Variants in CSMD1 observed in about 807,000 individuals in gnomAD.
CSMD1 encodes CUB and Sushi multiple domains 1.
CSMD1 carries 213 observed loss-of-function variants against 417.5 expected under a neutral mutation model. The ratio of observed to expected loss-of-function variants is 0.51; its 90% CI spans 0.46 to 0.57. The LOEUF (loss-of-function observed/expected upper bound fraction) is 0.57, where lower values mean the gene tolerates loss of function less well. CSMD1 is among the 20% of genes least tolerant of loss of function. The probability of loss-of-function intolerance (pLI) is 0.00; values close to 1 mark genes in which losing one functional copy is unlikely to be tolerated. For missense variants in CSMD1, 6,923 were observed against 4,529.7 expected (o/e 1.53, Z -15.17); for synonymous variants, 2,862 against 1,736.8 (o/e 1.65, Z -16.11).
chr8:4,190,635 T>C (rs1280655345), intron 3 of CSMD1, among the ~76,000 whole-genome samples: 2 of 152,000 alleles, frequency 1.3e-5, no homozygotes, highest in Non-Finnish European at 2.9e-5. Flanking sequence ...AAGAATAATA[T>C]TAGTGTTGTA....
At chr8:3,887,783 G>T (rs73493893) in intron 5 of CSMD1, among the ~76,000 whole-genome samples, 4,860 of 152,264 alleles carry the variant, frequency 0.032, 156 homozygotes, top group African/African-American at 0.076. Context: ...TGAGTGTGTG[G>T]TATCAGAAAA....
chr8:3,148,824 G>C (rs562788893), intron 40 of CSMD1, among the ~76,000 whole-genome samples: 4 of 152,080 alleles, frequency 2.6e-5, no homozygotes, highest in African/African-American at 7.2e-5. Context: ...TTCTCACTTC[G>C]TATCTATTAC....
At chr8:3,351,686 A>G (rs1259429924) in intron 21 of CSMD1, among the ~76,000 whole-genome samples, 1 of 149,110 alleles carries the variant, frequency 6.7e-6, no homozygotes, top group African/African-American at 2.4e-5. Context: ...ATATACATTA[A>G]ATGATATACG....
intron 1 of CSMD1, among the ~76,000 whole-genome samples, chr8:4,921,123 A>C (rs1201862205): frequency 2.0e-5 from 3 of 151,682 alleles, no homozygotes; most frequent in South Asian, 2.1e-4. Context: ...AAAGAAAAGA[A>C]AAGAAAGTAA....
chr8:4,565,191 G>A (rs1585256772), intron 2 of CSMD1, among the ~76,000 whole-genome samples: 1 of 152,114 alleles, frequency 6.6e-6, no homozygotes, highest in African/African-American at 2.4e-5. Flanking sequence ...AATAACAATA[G>A]CTTTTCTTAT....
intron 3 of CSMD1, among the ~76,000 whole-genome samples, chr8:4,378,168 C>G (rs1019576466): frequency 2.6e-5 from 4 of 152,194 alleles, no homozygotes; most frequent in African/African-American, 4.8e-5. Context: ...CACTTATACT[C>G]TAGATATTGC....
intron 12 of CSMD1, among the ~76,000 whole-genome samples, chr8:3,414,938 C>G (rs1813037076): frequency 6.6e-6 from 1 of 152,144 alleles, no homozygotes. Context: ...GCGGCAAGAC[C>G]TGTCACTCTG....
intron 3 of CSMD1, among the ~76,000 whole-genome samples, chr8:4,252,245 C>G (rs978969332): frequency 1.3e-5 from 2 of 152,196 alleles, no homozygotes; most frequent in Non-Finnish European, 2.9e-5. Context: ...CTTTCCGTTC[C>G]TGGCTTCAGC....
At chr8:4,556,748 G>A (rs755870280) in intron 2 of CSMD1, among the ~76,000 whole-genome samples, 3 of 152,136 alleles carry the variant, frequency 2.0e-5, no homozygotes, top group Non-Finnish European at 4.4e-5. Flanking sequence ...TCGCAAAGTC[G>A]AAAACCTCAA....
chr8:3,609,811 C>CTTTTTT lies in CSMD1; in HGVS notation c.1097+6893_1097+6898dup, dbSNP rs71534362. On this transcript the variant is annotated intron_variant, in intron 8 of 69. Transcript: ENST00000635120. ...AAAAGACTGTTAAAAAGTATCTTCC[C>CTTTTTT]TTTTTTTTTTTTTTTTTTTTTTTTT... Among the ~76,000 whole-genome samples the CTTTTTT allele has an allele frequency of 1.8e-3, 139 of 75,272 alleles. 8 individuals carry two copies. Among genetic ancestry groups the CTTTTTT allele is most frequent in the African/African-American group, 2.7e-3 (55 of 20,142 alleles). 49.4% of individuals were successfully genotyped at this position (75,272 alleles called of 152,430 possible). A position where few individuals can be genotyped will look rare whatever the true frequency, so the allele number is the denominator to read the frequency against.
chr8:3,257,773 T>G (rs373603140), intron 26 of CSMD1, among the ~76,000 whole-genome samples: 2 of 151,974 alleles, frequency 1.3e-5, no homozygotes, highest in South Asian at 2.1e-4. Flanking sequence ...GGGTGGATGA[T>G]GAGGCTTCCA....
At chr8:2,952,245 G>A (rs1029726419) in intron 65 of CSMD1, among the ~76,000 whole-genome samples, 13 of 152,170 alleles carry the variant, frequency 8.5e-5, no homozygotes, top group Non-Finnish European at 1.2e-4. Flanking sequence ...CATTGCTTGA[G>A]TTGCTAGGTG....
intron 25 of CSMD1, among the ~76,000 whole-genome samples, chr8:3,287,508 G>C (rs1803249916): frequency 1.3e-5 from 2 of 152,134 alleles, no homozygotes; most frequent in African/African-American, 2.4e-5. Flanking sequence ...TCCCTGAAGA[G>C]GTCCTTCACA....
At chr8:4,208,315 A>C (rs1189320002) in intron 3 of CSMD1, among the ~76,000 whole-genome samples, 3 of 152,186 alleles carry the variant, frequency 2.0e-5, no homozygotes, top group Non-Finnish European at 4.4e-5. Context: ...CTGGAGAAGA[A>C]ATAAAAGCAA....
At chr8:3,451,799 G>A (rs959147561) in intron 12 of CSMD1, among the ~76,000 whole-genome samples, 20 of 152,160 alleles carry the variant, frequency 1.3e-4, no homozygotes, top group East Asian at 7.7e-4. Context: ...GTCGATGCGG[G>A]CTCTTTTTTG....
At chr8:4,728,767 A>T (rs190178074) in intron 1 of CSMD1, among the ~76,000 whole-genome samples, 158 of 152,318 alleles carry the variant, frequency 1.0e-3, no homozygotes, top group Middle Eastern at 3.4e-3. Context: ...CTGAAAAAAA[A>T]AATAACCAGA....
chr8:4,916,451 G>T (rs116256215), intron 1 of CSMD1, among the ~76,000 whole-genome samples: 295 of 152,296 alleles, frequency 1.9e-3, no homozygotes, highest in African/African-American at 6.8e-3. Flanking sequence ...TCAATTGTTT[G>T]TCAGGGAAGA....
At chr8:3,165,786 G>C (rs933919750) in intron 37 of CSMD1, among the ~76,000 whole-genome samples, 4 of 152,180 alleles carry the variant, frequency 2.6e-5, no homozygotes, top group Middle Eastern at 3.4e-3. Flanking sequence ...ACAGTGATGG[G>C]GATGTTAAAA....
chr8:4,558,610 T>A (rs755243233), intron 2 of CSMD1, among the ~76,000 whole-genome samples: 7 of 152,124 alleles, frequency 4.6e-5, no homozygotes, highest in Admixed American at 6.5e-5. Flanking sequence ...CTCACACCTG[T>A]AATCCCAGCA....
Sources: allele counts gnomAD v4.1 joint callset (sites outside exome capture counted in the v4.1 genomes callset), GRCh38; gene constraint gnomAD v4.1.1; transcripts MANE v1.5; gene names NCBI Gene and HGNC (gene_info 2026-07-23, HGNC 2026-07-21).